NCOA2: variants seen among roughly 807,000 people sequenced by gnomAD.
The protein encoded by NCOA2 is nuclear receptor coactivator 2, also known as class E basic helix-loop-helix protein 75.
In NCOA2, 21 loss-of-function variants were observed where a neutral mutation model predicts 145.1. That is an observed-to-expected ratio of 0.14 (90% confidence interval 0.10 to 0.21). The LOEUF (loss-of-function observed/expected upper bound fraction) is 0.21, where lower values mean the gene tolerates loss of function less well. NCOA2 is among the 10% of genes least tolerant of loss of function. NCOA2 has a pLI of 1.00. For missense variants in NCOA2, 1,472 were observed against 1,837.6 expected, an observed-to-expected ratio of 0.80 and a Z score of 3.64; for synonymous variants, 619 against 637.5, an observed-to-expected ratio of 0.97 and a Z score of 0.44.
At chr8:70,184,800 C>T (rs1815871934) in intron 4 of NCOA2, among the ~76,000 whole-genome samples, 1 of 152,174 alleles carries the variant, frequency 6.6e-6, no homozygotes, top group African/African-American at 2.4e-5. Context: ...GCTTGCAAGG[C>T]TTCACACCCA....
chr8:70,160,917 A>G (rs2132368990), intron 9 of NCOA2, among the ~76,000 whole-genome samples: 1 of 152,336 alleles, frequency 6.6e-6, no homozygotes, highest in East Asian at 1.9e-4. Context: ...AAGATGACAT[A>G]AATGTAATTT....
chr8:70,446,872 C>CTA, the NCOA2 span, among the ~76,000 whole-genome samples: 46 of 152,206 alleles, frequency 3.0e-4, no homozygotes, highest in African/African-American at 1.1e-3. Flanking sequence ...TCACCCCAAA[C>CTA]TATGCACAAA....
At chr8:70,133,613 C>T (rs1471545343) in intron 15 of NCOA2, among the ~76,000 whole-genome samples, 1 of 152,192 alleles carries the variant, frequency 6.6e-6, no homozygotes, top group Non-Finnish European at 1.5e-5. Context: ...CTATTTTGTA[C>T]TCTTAGAGTC....
the NCOA2 span, among the ~76,000 whole-genome samples, chr8:70,429,927 C>T: frequency 6.6e-6 from 1 of 152,218 alleles, no homozygotes; most frequent in African/African-American, 2.4e-5. Context: ...GGCTGGAGTG[C>T]CATGGTGTGA....
chr8:70,127,218 T>C (rs1343472016), intron 18 of NCOA2, among the ~76,000 whole-genome samples, 171 bp from the exon 19 acceptor site: 1 of 152,214 alleles, frequency 6.6e-6, no homozygotes, highest in Non-Finnish European at 1.5e-5. Context: ...ATTGAGAACA[T>C]GAGCTTCTAA....
At chr8:70,123,108 A>G (rs984084172) in intron 21 of NCOA2, among the ~76,000 whole-genome samples, 2 of 152,232 alleles carry the variant, frequency 1.3e-5, no homozygotes, top group African/African-American at 4.8e-5. Flanking sequence ...GGCTACTGCT[A>G]TCTCAAATGC....
At chr8:70,407,625 A>G (rs1401118959), upstream of NCOA2, among the ~76,000 whole-genome samples, 1 of 151,690 alleles carries the variant, frequency 6.6e-6, no homozygotes, top group Admixed American at 6.6e-5. Context: ...CGTCTGTACT[A>G]AAAATACAAA....
upstream of NCOA2, among the ~76,000 whole-genome samples, chr8:70,406,899 G>A (rs1019312246): frequency 6.6e-6 from 1 of 152,150 alleles, no homozygotes; most frequent in African/African-American, 2.4e-5. Flanking sequence ...TAGAATATAA[G>A]CAAATAAATA....
chr8:70,306,347 T>C (rs904119158), intron 1 of NCOA2, among the ~76,000 whole-genome samples: 2 of 152,194 alleles, frequency 1.3e-5, no homozygotes, highest in Non-Finnish European at 2.9e-5. Context: ...GGCCTCACTA[T>C]CCTATCTTAA....
intron 2 of NCOA2, among the ~76,000 whole-genome samples, chr8:70,282,603 G>A (rs556784263): frequency 1.3e-5 from 2 of 151,414 alleles, no homozygotes; most frequent in East Asian, 2.0e-4. Context: ...CAGGAGAATC[G>A]CTTGAACCCG....
At chr8:70,264,603 C>T (rs897272378) in intron 2 of NCOA2, among the ~76,000 whole-genome samples, 2 of 152,186 alleles carry the variant, frequency 1.3e-5, no homozygotes, top group Admixed American at 1.3e-4. Flanking sequence ...CTAAAAATCA[C>T]ATACAACCCA....
In NCOA2 at chr8:70,191,166, T is replaced by C. The variant is rs371478348; in HGVS notation, c.260-16307A>G. Among the ~76,000 whole-genome samples, 5 of 152,324 alleles carry C rather than the reference T, an allele frequency of 3.3e-5. No individual in the cohort carries two copies. In the East Asian group the frequency reaches 9.6e-4, roughly 29 times the overall value. On this transcript the variant is annotated intron_variant, in intron 4 of 22. Transcript: ENST00000452400. Reference sequence around the variant, plus strand: ...TCAAAAAAAGTTAAATTGTTCATCATTTGTGTGCTTTAAAAAAATATGAAA... The same window carrying C: ...TCAAAAAAAGTTAAATTGTTCATCACTTGTGTGCTTTAAAAAAATATGAAA...
chr8:70,156,202 G>A lies in NCOA2; in HGVS notation c.2163C>T (p.Ser721=). Residue 721 remains serine (S), a synonymous_variant, in exon 11 of 23, where the codon AGC becomes AGT. Transcript: ENST00000452400. Reference sequence around the variant, plus strand: ...TAGTCACTTCTGATCCAGGAGCTGTGCTGCTGGACTCCTGGCTCAGGTCTT... The same window carrying A: ...TAGTCACTTCTGATCCAGGAGCTGTACTGCTGGACTCCTGGCTCAGGTCTT... ...TGKDLSQESS[S]TAPGSEVTIK... The A allele has an allele frequency of 5.0e-6, 8 of 1,613,968 alleles. No individual in the cohort carries two copies. The highest frequency in any genetic ancestry group is 6.8e-6 in the Non-Finnish European group (8 of 1,179,874).
At position 70,144,686 on chromosome 8, in the gene NCOA2, T is replaced by C. The variant is rs377323163; in HGVS notation, c.2768A>G (p.Gln923Arg). ...ATTTCCTTGGTTTCCTATCATCCCT[T>C]GATTACCCATCATTCCTGGCTGAGG... is the stretch of plus-strand genomic sequence containing the variant. Reference protein sequence around the residue: ...VIPQPGMMGNQGMIGNQGNLG... With the variant: ...VIPQPGMMGNRGMIGNQGNLG... The change falls in exon 13 of 23, where the codon CAA (glutamine) becomes CGA (arginine). Residue 923 changes from glutamine to arginine, a missense_variant. Coordinates refer to ENST00000452400, the MANE Select transcript of NCOA2 (RefSeq NM_006540.4). 10 of 1,613,878 alleles carry C rather than the reference T, an allele frequency of 6.2e-6. No homozygotes were observed. Among genetic ancestry groups the C allele is most frequent in the Admixed American group, 1.7e-5 (1 of 60,006 alleles).
chr8:70,150,300 A>C (rs1009886643), intron 11 of NCOA2, among the ~76,000 whole-genome samples: 1 of 152,238 alleles, frequency 6.6e-6, no homozygotes, highest in African/African-American at 2.4e-5. Flanking sequence ...AGTCACAGAC[A>C]GGTCAAATTA....
intron 2 of NCOA2, among the ~76,000 whole-genome samples, chr8:70,227,916 T>A (rs1441025025): frequency 1.4e-5 from 2 of 147,866 alleles, no homozygotes; most frequent in African/African-American, 2.5e-5. Context: ...CTTGGGAGGC[T>A]GAGGCAGGAG....
intron 2 of NCOA2, among the ~76,000 whole-genome samples, chr8:70,287,726 T>C (rs1470699217): frequency 6.6e-6 from 1 of 152,240 alleles, no homozygotes. Context: ...GATTATCATG[T>C]CTGATAAAAT....
At chr8:70,384,838 A>C (rs1586654524) in intron 1 of NCOA2, among the ~76,000 whole-genome samples, 1 of 152,220 alleles carries the variant, frequency 6.6e-6, no homozygotes, top group East Asian at 1.9e-4. Flanking sequence ...GGTAAGCCAA[A>C]TGATACATCA....
At chr8:70,394,794 T>A (rs1339937252) in intron 1 of NCOA2, among the ~76,000 whole-genome samples, 1 of 152,136 alleles carries the variant, frequency 6.6e-6, no homozygotes, top group Non-Finnish European at 1.5e-5. Flanking sequence ...AATACAGATA[T>A]AAAAGCTAAG....
Sources: allele counts gnomAD v4.1 joint callset (sites outside exome capture counted in the v4.1 genomes callset), GRCh38; gene constraint gnomAD v4.1.1; transcripts MANE v1.5; gene names NCBI Gene and HGNC (gene_info 2026-07-23, HGNC 2026-07-21).